TINAG: variants seen among roughly 807,000 people sequenced by gnomAD.
TINAG encodes tubulointerstitial nephritis antigen.
Under a neutral mutation model 72.7 loss-of-function variants are expected in TINAG, and 83 were observed. The ratio of observed to expected loss-of-function variants is 1.14; its 90% CI spans 0.96 to 1.37. The LOEUF is 1.37. Ranked by LOEUF, TINAG falls within the 40% of genes most tolerant of loss-of-function variation. The probability of loss-of-function intolerance (pLI) is 0.00; values close to 1 mark genes in which losing one functional copy is unlikely to be tolerated. For synonymous variants in TINAG, 234 were observed against 189.9 expected, an observed-to-expected ratio of 1.23 and a Z score of -1.91; for missense variants, 685 against 576.6, an observed-to-expected ratio of 1.19 and a Z score of -1.93.
chr6:54,376,573 T>C (rs1249965649), intron 9 of TINAG, among the ~76,000 whole-genome samples: 1 of 152,136 alleles, frequency 6.6e-6, no homozygotes, highest in Non-Finnish European at 1.5e-5. Flanking sequence ...CATATGCAAA[T>C]TATTCTGTTC....
At chr6:54,315,679 TA>T (rs547071002) in intron 1 of TINAG, among the ~76,000 whole-genome samples, 1,145 of 88,714 alleles carry the variant, frequency 0.013, 16 homozygotes, top group African/African-American at 0.035. Context: ...CCTGTCAAAG[TA>T]AAAAAAAAAA....
At chr6:54,389,756 T>C in intron 10 of TINAG, 35 bp from the exon 11 acceptor site, 2 of 1,560,296 alleles carry the variant, frequency 1.3e-6, no homozygotes, top group Non-Finnish European at 1.7e-6. Context: ...CCAAAGTATG[T>C]TTCTCAACTT....
intron 9 of TINAG, among the ~76,000 whole-genome samples, chr6:54,373,760 C>A (rs1050461893): frequency 5.9e-5 from 9 of 151,984 alleles, no homozygotes; most frequent in African/African-American, 1.9e-4. Flanking sequence ...AGCTGGCCAA[C>A]CCTTATAGTA....
intron 1 of TINAG, among the ~76,000 whole-genome samples, chr6:54,319,011 C>T (rs1784432824): frequency 6.6e-6 from 1 of 151,940 alleles, no homozygotes; most frequent in South Asian, 2.1e-4. Flanking sequence ...TTGGTAATGG[C>T]GGTCCCCTGA....
At chr6:54,331,710 G>A (rs752238027) in intron 4 of TINAG, among the ~76,000 whole-genome samples, 7 of 152,180 alleles carry the variant, frequency 4.6e-5, no homozygotes, top group African/African-American at 7.2e-5. Context: ...TTAGAAAACC[G>A]CATTGTTTCA....
At chr6:54,319,698 A>G (rs1015844465) in intron 1 of TINAG, among the ~76,000 whole-genome samples, 1 of 152,156 alleles carries the variant, frequency 6.6e-6, no homozygotes, top group African/African-American at 2.4e-5. Flanking sequence ...TTCTAAACCT[A>G]TAGTTTGCCC....
At chr6:54,342,599 A>T (rs1179527252) in intron 4 of TINAG, among the ~76,000 whole-genome samples, 1 of 151,866 alleles carries the variant, frequency 6.6e-6, no homozygotes, top group Non-Finnish European at 1.5e-5. Context: ...CGAACTCCTG[A>T]CCTTGTGATC....
chr6:54,310,846 T>C (rs1017196340), intron 1 of TINAG, among the ~76,000 whole-genome samples: 1 of 150,526 alleles, frequency 6.6e-6, no homozygotes, highest in Non-Finnish European at 1.5e-5. Context: ...TTTCTCTCTC[T>C]CTTTCTCTCG....
chr6:54,350,061 A>G (rs1785227391), intron 7 of TINAG, among the ~76,000 whole-genome samples, 165 bp downstream of exon 7: 1 of 152,000 alleles, frequency 6.6e-6, no homozygotes, highest in Non-Finnish European at 1.5e-5. Context: ...CAGTTTGGGT[A>G]TGATGTCTTA....
chr6:54,368,920 T>A (rs1763519670), intron 9 of TINAG, among the ~76,000 whole-genome samples: 1 of 151,816 alleles, frequency 6.6e-6, no homozygotes, highest in Non-Finnish European at 1.5e-5. Flanking sequence ...GTACATTTTT[T>A]ATTACACATT....
In TINAG at chr6:54,308,640, C is replaced by T. The variant is rs1386063092; in HGVS notation, c.90C>T (p.Asp30=). ...AGTATTTATCTCAAAGAGAAGTGGACCTAGAGGCTTATTTCACTAGGAATC... is the reference window on the plus strand; with the variant it reads ...AGTATTTATCTCAAAGAGAAGTGGATCTAGAGGCTTATTTCACTAGGAATC... ...EKQYLSQREV[D]LEAYFTRNHT... Residue 30 remains aspartate, a synonymous_variant, in exon 1 of 11, where the codon GAC becomes GAT. Transcript: ENST00000259782. 1 of 1,613,722 alleles carries T rather than the reference C, an allele frequency of 6.2e-7. No homozygotes were observed. The highest frequency in any genetic ancestry group is 1.1e-5 in the South Asian group (1 of 91,072).
At chr6:54,365,479 T>C (rs919691307) in intron 9 of TINAG, 1 of 151,736 alleles carries the variant, frequency 6.6e-6, no homozygotes, top group East Asian at 1.9e-4. Flanking sequence ...ATTTTCTTGA[T>C]CTATCATCTG....
intron 9 of TINAG, among the ~76,000 whole-genome samples, chr6:54,367,868 T>G (rs1421225892): frequency 6.6e-6 from 1 of 151,894 alleles, no homozygotes; most frequent in Admixed American, 6.6e-5. Flanking sequence ...TGGTGTTTGA[T>G]GAAGGGCCTG....
At chr6:54,324,376 C>T (rs1180497305) in intron 3 of TINAG, among the ~76,000 whole-genome samples, 2 of 152,104 alleles carry the variant, frequency 1.3e-5, no homozygotes, top group African/African-American at 4.8e-5. Context: ...AGCAGGCTAG[C>T]TTTGGCTTCT....
intron 9 of TINAG, among the ~76,000 whole-genome samples, chr6:54,379,069 G>C (rs1470641112): frequency 6.6e-6 from 1 of 152,102 alleles, no homozygotes; most frequent in African/African-American, 2.4e-5. Context: ...ATCTCTTCTA[G>C]GAATGTTTGT....
At chr6:54,364,087 T>C (rs1250543423) in intron 9 of TINAG, among the ~76,000 whole-genome samples, 1 of 151,514 alleles carries the variant, frequency 6.6e-6, no homozygotes, top group African/African-American at 2.4e-5. Flanking sequence ...AGGAGAGGAA[T>C]GTACAGTTAG....
At chr6:54,333,196 T>C (rs1376690180) in intron 4 of TINAG, among the ~76,000 whole-genome samples, 1 of 152,062 alleles carries the variant, frequency 6.6e-6, no homozygotes, top group Non-Finnish European at 1.5e-5. Flanking sequence ...CCATTCACAA[T>C]AGCAAAGACT....
intron 9 of TINAG, 81 bp downstream of exon 9, chr6:54,354,717 G>C: frequency 7.1e-7 from 1 of 1,401,992 alleles, no homozygotes; most frequent in Non-Finnish European, 9.7e-7. Context: ...TTAAATGCTA[G>C]AATCCCCTTT....
At chr6:54,371,501 T>TAGAATA (rs1763606330) in intron 9 of TINAG, among the ~76,000 whole-genome samples, 1 of 151,722 alleles carries the variant, frequency 6.6e-6, no homozygotes, top group Admixed American at 6.6e-5. Flanking sequence ...TTAGAATGAT[T>TAGAATA]CTAATTATGA....
Sources: gnomAD v4.1 joint callset for allele counts (sites outside exome capture counted in the v4.1 genomes callset) on GRCh38, gnomAD v4.1.1 for gene constraint, MANE v1.5 for transcripts, NCBI Gene and HGNC (gene_info 2026-07-23, HGNC 2026-07-21) for gene names.